EPHA4: variants seen among roughly 807,000 people sequenced by gnomAD.
EPHA4 encodes ephrin type-A receptor 4.
EPHA4 carries 19 observed loss-of-function variants against 108.3 expected under a neutral mutation model. That is an observed-to-expected ratio of 0.18 (90% CI 0.12 to 0.26). The LOEUF is 0.26. EPHA4 is among the 10% of genes least tolerant of loss of function. The pLI is 1.00. For missense variants in EPHA4, 917 were observed against 1,254.0 expected, an observed-to-expected ratio of 0.73 and a Z score of 4.06; for synonymous variants, 449 against 455.5, an observed-to-expected ratio of 0.99 and a Z score of 0.18.
intron 5 of EPHA4, among the ~76,000 whole-genome samples, chr2:221,476,973 A>G (rs894849383): frequency 2.0e-5 from 3 of 152,182 alleles, no homozygotes; most frequent in Non-Finnish European, 4.4e-5. Context: ...AATGTTAATC[A>G]ACAAACAGAT....
Position 221,572,067 on chromosome 2 carries a change from C to A in EPHA4, c.91+91G>T. On this transcript the variant is annotated intron_variant, in intron 1 of 17. Transcript: ENST00000281821. ...GACGCACCATTCACACTGGGCTCCC[C>A]CCGCACCACCTGGCCCTGCGCTCCT... 3.7e-6 allele frequency: 4 copies of A among 1,084,032 alleles called. No homozygotes were observed. The South Asian group carries it at 3.8e-5, about 10-fold the overall frequency. The allele number at this position is 1,084,032 out of a possible 1,614,324, so 67.2% of individuals were successfully genotyped here.
intron 3 of EPHA4, among the ~76,000 whole-genome samples, chr2:221,531,821 ATCT>A (rs1186426673): frequency 2.8e-4 from 42 of 152,322 alleles, no homozygotes; most frequent in African/African-American, 9.4e-4. Context: ...TCTAAATAGA[ATCT>A]TCTTGTTTTT....
chr2:221,528,486 C>A (rs1693410977), intron 3 of EPHA4, among the ~76,000 whole-genome samples: 1 of 152,130 alleles, frequency 6.6e-6, no homozygotes, highest in Non-Finnish European at 1.5e-5. Context: ...AATCTTATTC[C>A]CTTTGAATCA....
intron 3 of EPHA4, among the ~76,000 whole-genome samples, chr2:221,520,439 A>G (rs1042791722): frequency 6.6e-6 from 1 of 152,072 alleles, no homozygotes; most frequent in Admixed American, 6.6e-5. Context: ...CTTTGAACAT[A>G]TATTTATTTA....
At chr2:221,556,447 C>T (rs1694302433) in intron 3 of EPHA4, among the ~76,000 whole-genome samples, 1 of 151,662 alleles carries the variant, frequency 6.6e-6, no homozygotes, top group Non-Finnish European at 1.5e-5. Context: ...CAGGCTCACA[C>T]CACCATGCCC....
At chr2:221,567,118 C>T (rs1694692576) in intron 2 of EPHA4, among the ~76,000 whole-genome samples, 1 of 152,038 alleles carries the variant, frequency 6.6e-6, no homozygotes, top group South Asian at 2.1e-4. Flanking sequence ...ATAGCTCACA[C>T]ATATATTTAG....
In EPHA4 at chr2:221,565,297, C is replaced by G. The variant is rs1160828341; in HGVS notation, c.160-903G>C. Among the ~76,000 whole-genome samples the G allele has an allele frequency of 4.6e-5, 7 of 152,262 alleles. No homozygotes were observed. In the South Asian group the frequency reaches 1.2e-3, roughly 27 times the overall value. ...CTAATGGTAGGACAACTTGCGTCTA[C>G]CACTGTGACTAAAAGTTTCACTGTC... is the stretch of plus-strand genomic sequence containing the variant. On this transcript the variant is annotated intron_variant, in intron 2 of 17. Coordinates refer to ENST00000281821, the MANE Select transcript of EPHA4 (RefSeq NM_004438.5).
chr2:221,520,568 G>C (rs952938559), intron 3 of EPHA4, among the ~76,000 whole-genome samples: 2 of 151,058 alleles, frequency 1.3e-5, no homozygotes, highest in South Asian at 2.1e-4. Context: ...AGAGCAAGAG[G>C]GGGGAGAGAG....
At chr2:221,536,448 A>G (rs2106187162) in intron 3 of EPHA4, among the ~76,000 whole-genome samples, 1 of 152,318 alleles carries the variant, frequency 6.6e-6, no homozygotes, top group South Asian at 2.1e-4. Context: ...GCTCTGCACT[A>G]GACCCTGGCA....
At chr2:221,470,580 T>A in intron 5 of EPHA4, among the ~76,000 whole-genome samples, 1 of 83,026 alleles carries the variant, frequency 1.2e-5, no homozygotes, top group African/African-American at 5.5e-5. Context: ...AGGGAACCTC[T>A]GCTTTTCCCT....
At chr2:221,421,371 AAG>A in intron 17 of EPHA4, among the ~76,000 whole-genome samples, 2 of 152,332 alleles carry the variant, frequency 1.3e-5, no homozygotes, top group Middle Eastern at 6.8e-3. Context: ...TTTTCTTAAC[AAG>A]AGAGTAACTC....
At chr2:221,530,633 C>A (rs1253740628) in intron 3 of EPHA4, among the ~76,000 whole-genome samples, 2 of 152,158 alleles carry the variant, frequency 1.3e-5, no homozygotes, top group Non-Finnish European at 2.9e-5. Flanking sequence ...CCCGAAAAAG[C>A]TACTAGGCTA....
At chr2:221,478,462 A>T (rs911621446) in intron 5 of EPHA4, among the ~76,000 whole-genome samples, 5 of 152,222 alleles carry the variant, frequency 3.3e-5, no homozygotes, top group Admixed American at 2.0e-4. Context: ...ACAGGATGAA[A>T]GATGAAGGAA....
At chr2:221,565,191 T>G (rs1694592904) in intron 2 of EPHA4, among the ~76,000 whole-genome samples, 1 of 152,174 alleles carries the variant, frequency 6.6e-6, no homozygotes, top group South Asian at 2.1e-4. Context: ...AAATAGCAAG[T>G]GCTGTTTATG....
chr2:221,525,922 C>A (rs1417955712), intron 3 of EPHA4, among the ~76,000 whole-genome samples: 8 of 152,014 alleles, frequency 5.3e-5, no homozygotes, highest in Non-Finnish European at 8.8e-5. Context: ...ACTGTGTTTC[C>A]CATTTTATTT....
intron 3 of EPHA4, among the ~76,000 whole-genome samples, chr2:221,525,648 T>C (rs2106178197): frequency 6.6e-6 from 1 of 152,296 alleles, no homozygotes; most frequent in Admixed American, 6.5e-5. Context: ...ATGGGGTTGA[T>C]ATTAAGTGAG....
intron 3 of EPHA4, among the ~76,000 whole-genome samples, chr2:221,543,004 T>A (rs984459575): frequency 6.6e-6 from 1 of 152,222 alleles, no homozygotes; most frequent in African/African-American, 2.4e-5. Context: ...TAACATATAA[T>A]GATCCTATAT....
intron 3 of EPHA4, among the ~76,000 whole-genome samples, chr2:221,557,189 G>T (rs1180749594): frequency 6.6e-6 from 1 of 152,152 alleles, no homozygotes; most frequent in Non-Finnish European, 1.5e-5. Flanking sequence ...GTGACTTGGG[G>T]CACAGAGGAT....
chr2:221,483,216 G>A (rs923934961), intron 4 of EPHA4, among the ~76,000 whole-genome samples: 2 of 152,170 alleles, frequency 1.3e-5, no homozygotes, highest in Admixed American at 6.5e-5. Flanking sequence ...AGCTGTTTAT[G>A]GGTAATTAGT....
Sources: allele counts gnomAD v4.1 joint callset (sites outside exome capture counted in the v4.1 genomes callset), GRCh38; gene constraint gnomAD v4.1.1; transcripts MANE v1.5; gene names NCBI Gene and HGNC (gene_info 2026-07-23, HGNC 2026-07-21).